The following RRAS2 variants were observed in gnomAD, a reference collection of about 807,000 sequenced individuals.
The protein encoded by RRAS2 is RAS related 2.
In RRAS2, 7 loss-of-function variants were observed where a neutral mutation model predicts 27.6. That is an observed-to-expected ratio of 0.25 (90% CI 0.14 to 0.48). The LOEUF is 0.48. Ranked by LOEUF, RRAS2 falls within the 20% of genes least tolerant of loss-of-function variation. The pLI, the probability that RRAS2 is intolerant of heterozygous loss-of-function variation, is 0.99. For missense variants in RRAS2, 178 were observed against 256.2 expected (o/e 0.69, Z 2.08); for synonymous variants, 86 against 90.9 (o/e 0.95, Z 0.31).
chr11:14,307,524 GA>G (rs1554948277), intron 1 of RRAS2, among the ~76,000 whole-genome samples: 1 of 39,954 alleles, frequency 2.5e-5, no homozygotes, highest in African/African-American at 5.5e-5. Context: ...GAGAAGCTGG[GA>G]TAACAGCGCC....
chr11:14,295,347 GA>G (rs1472612430), intron 2 of RRAS2, among the ~76,000 whole-genome samples: 3 of 152,344 alleles, frequency 2.0e-5, no homozygotes, highest in Admixed American at 6.5e-5. Context: ...TCTTTGTGGA[GA>G]GGGGGGATGT....
rs1682225339 is a variant in RRAS2 at position 14,358,576 on chromosome 11, AGGCAGGAGCGCGACGCTGCGGCCGCAG to A, written c.108+160_108+186del. The A allele has an allele frequency of 2.0e-6, 2 of 985,834 alleles. No homozygotes were observed. Among genetic ancestry groups the A allele is most frequent in the South Asian group, 4.7e-5 (1 of 21,302 alleles). 61.1% of individuals were successfully genotyped at this position (985,834 alleles called of 1,614,324 possible). On this transcript the variant is annotated intron_variant, in intron 1 of 5. Transcript: ENST00000256196. This position sits in a 1 kb window ranked among gnomAD's most constrained non-coding sequence, Gnocchi z 5.1. ...CTCCCGCGACGCCGCGCCCGGGAGGAGGCAGGAGCGCGACGCTGCGGCCGCAGGGCAGGAGCGTAGTCGGCCCCGCGC... is the reference window on the plus strand; with the variant it reads ...CTCCCGCGACGCCGCGCCCGGGAGGAGGCAGGAGCGTAGTCGGCCCCGCGC...
At chr11:14,359,646 A>G (rs1420068957), upstream of RRAS2, among the ~76,000 whole-genome samples, 1 of 152,212 alleles carries the variant, frequency 6.6e-6, no homozygotes, top group African/African-American at 2.4e-5. Flanking sequence ...ACAGTGGCTG[A>G]GCATGGAGAA....
chr11:14,363,966 A>G (rs1490431681), upstream of RRAS2, among the ~76,000 whole-genome samples: 1 of 152,006 alleles, frequency 6.6e-6, no homozygotes, highest in African/African-American at 2.4e-5. Context: ...GCTACTCGGG[A>G]GGCTAAGGCA....
chr11:14,289,320 A>G (rs1308858882), intron 4 of RRAS2, among the ~76,000 whole-genome samples: 1 of 152,262 alleles, frequency 6.6e-6, no homozygotes, highest in Non-Finnish European at 1.5e-5. Flanking sequence ...GTAAGCCAGG[A>G]GAAAGATGGT....
At chr11:14,315,331 T>A (rs1554949366) in intron 1 of RRAS2, among the ~76,000 whole-genome samples, 1 of 152,218 alleles carries the variant, frequency 6.6e-6, no homozygotes, top group African/African-American at 2.4e-5. Context: ...ACCTCTGTGG[T>A]CTTCCTAACC....
At position 14,358,463 on chromosome 11, in the gene RRAS2, T is replaced by C. The variant is rs1239661612; in HGVS notation, c.108+300A>G. ...TCGGTGGCCCAGCCTCTCCCGGAGG[T>C]CTCTGGCCTCGGCCAGAGCAATAAG... On this transcript the variant is annotated intron_variant, in intron 1 of 5. Coordinates refer to ENST00000256196, the MANE Select transcript of RRAS2 (RefSeq NM_012250.6). The surrounding 1 kb of genome is among the most constrained non-coding windows in gnomAD (Gnocchi z 5.1). 40 of 984,134 alleles carry C rather than the reference T, an allele frequency of 4.1e-5. No individual in the cohort carries two copies. Among genetic ancestry groups the C allele is most frequent in the Non-Finnish European group, 4.6e-5 (38 of 829,784 alleles). 61.0% of individuals were successfully genotyped at this position (984,134 alleles called of 1,614,324 possible). A position where few individuals can be genotyped will look rare whatever the true frequency, so the allele number is the denominator to read the frequency against.
rs1347277447 is a variant in RRAS2, at chr11:14,278,294, A to G, written c.*1043T>C. 1.3e-5 allele frequency: 2 copies of G among 152,242 alleles called. No homozygotes were observed. Among genetic ancestry groups the G allele is most frequent in the Admixed American group, 6.5e-5 (1 of 15,278 alleles). 9.4% of individuals were successfully genotyped at this position (152,242 alleles called of 1,614,324 possible). On this transcript the variant is annotated 3_prime_UTR_variant, in exon 6 of 6. Coordinates refer to ENST00000256196, the MANE Select transcript of RRAS2 (RefSeq NM_012250.6). ...GGGTACAACCAAGACCAGACCAGCAAGTAAAAGTTCTACCACAGTTTCTGT... is the reference window on the plus strand; with the variant it reads ...GGGTACAACCAAGACCAGACCAGCAGGTAAAAGTTCTACCACAGTTTCTGT...
rs543976731 is a variant in RRAS2 at position 14,283,608 on chromosome 11, C to CT, written c.409-1889dup. On this transcript the variant is annotated intron_variant, in intron 4 of 5. Transcript: ENST00000256196. The stretch of plus-strand genomic sequence containing the variant: ...GTAGATAAAGTACTACTGATATTAT[C>CT]TTTTTTTTTCCCTTGAGTGAATTTT... Among the ~76,000 whole-genome samples, 202 of 151,480 alleles carry CT rather than the reference C, an allele frequency of 1.3e-3. 1 individual carries two copies. Among genetic ancestry groups the CT allele is most frequent in the Non-Finnish European group, 2.0e-3 (133 of 67,842 alleles).
intron 1 of RRAS2, among the ~76,000 whole-genome samples, chr11:14,313,412 C>A (rs1170314778): frequency 6.6e-6 from 1 of 152,176 alleles, no homozygotes; most frequent in Non-Finnish European, 1.5e-5. Context: ...AAAGTACTTT[C>A]ATAGTGCTTA....
rs7934671 is a variant in RRAS2 at position 14,283,555 on chromosome 11, C to A, written c.409-1835G>T. Among the ~76,000 whole-genome samples, 19 of 152,064 alleles carry A rather than the reference C, an allele frequency of 1.2e-4. No homozygotes were observed. In the South Asian group the frequency reaches 3.9e-3, roughly 32 times the overall value. Reference sequence around the variant, plus strand: ...TGGGCTTGAAGTTTTCTTTGAGGTACGTTTTTAAAACAAACTCAATTTATT... The same window carrying A: ...TGGGCTTGAAGTTTTCTTTGAGGTAAGTTTTTAAAACAAACTCAATTTATT... On this transcript the variant is annotated intron_variant, in intron 4 of 5. Transcript: ENST00000256196.
At position 14,283,052 on chromosome 11, in the gene RRAS2, A is replaced by AT. The variant is rs544835812; in HGVS notation, c.409-1333dup. Among the ~76,000 whole-genome samples the AT allele has an allele frequency of 5.9e-3, 898 of 152,216 alleles. 8 individuals carry two copies. The highest frequency in any genetic ancestry group is 7.7e-3 in the South Asian group (37 of 4,820). On this transcript the variant is annotated intron_variant, in intron 4 of 5. Coordinates refer to ENST00000256196, the MANE Select transcript of RRAS2 (RefSeq NM_012250.6). ...CATTAAGTGTGCTGTCAGTTAGAGAATTTTTTTGTAGATGTCCTTTCTCAG... is the reference window on the plus strand; with the variant it reads ...CATTAAGTGTGCTGTCAGTTAGAGAATTTTTTTTGTAGATGTCCTTTCTCAG...
rs373798867 is a variant in RRAS2, at chr11:14,294,732, T to C, written c.299+28A>G. On this transcript the variant is annotated intron_variant, in intron 3 of 5. Coordinates refer to ENST00000256196, the MANE Select transcript of RRAS2 (RefSeq NM_012250.6). The stretch of plus-strand genomic sequence containing the variant: ...AGTCTAGTGATCTTGACAAGAACAG[T>C]GGATCTACATTCTAATATGGTACAA... 8 of 1,593,224 alleles carry C rather than the reference T, an allele frequency of 5.0e-6. No homozygotes were observed. In the African/African-American group the frequency reaches 9.4e-5, roughly 19 times the overall value.
chr11:14,296,820 TA>T (rs1375828630), intron 1 of RRAS2, among the ~76,000 whole-genome samples: 25 of 150,492 alleles, frequency 1.7e-4, no homozygotes, highest in African/African-American at 4.6e-4. Context: ...GTCATTACCA[TA>T]AAAAAAAGGG....
chr11:14,283,865 A>AT (rs1446321036), intron 4 of RRAS2, among the ~76,000 whole-genome samples: 7 of 151,170 alleles, frequency 4.6e-5, no homozygotes, highest in East Asian at 1.9e-4. Context: ...TTTATTTTTT[A>AT]TTTTTTTTGG....
intron 1 of RRAS2, among the ~76,000 whole-genome samples, chr11:14,332,399 G>A (rs970716949): frequency 2.6e-5 from 4 of 152,142 alleles, no homozygotes; most frequent in African/African-American, 9.7e-5. Flanking sequence ...TACTTGGGAG[G>A]CTGAGGCAGG....
intron 4 of RRAS2, among the ~76,000 whole-genome samples, chr11:14,290,595 C>T (rs924177839): frequency 6.6e-6 from 1 of 152,100 alleles, no homozygotes; most frequent in Admixed American, 6.5e-5. Flanking sequence ...TAGAGAGACA[C>T]GGAGACAAAG....
chr11:14,304,408 T>C (rs1847788166), intron 1 of RRAS2, among the ~76,000 whole-genome samples: 1 of 152,232 alleles, frequency 6.6e-6, no homozygotes, highest in African/African-American at 2.4e-5. Flanking sequence ...AGGTATGGGC[T>C]ACATGTGCAA....
intron 1 of RRAS2, among the ~76,000 whole-genome samples, chr11:14,346,917 G>A (rs188956187): frequency 1.1e-4 from 16 of 152,304 alleles, no homozygotes; most frequent in Admixed American, 6.5e-4. Flanking sequence ...CCCTGTGGGA[G>A]GCCAAGGTGG....
Sources: gnomAD v4.1 joint callset for allele counts (sites outside exome capture counted in the v4.1 genomes callset) on GRCh38, gnomAD v4.1.1 for gene constraint, Gnocchi (gnomAD v3.1) non-coding constraint, MANE v1.5 for transcripts, NCBI Gene and HGNC (gene_info 2026-07-23, HGNC 2026-07-21) for gene names.